Variants in MTM1 observed in about 807,000 individuals in gnomAD.
MTM1 encodes the protein myotubularin.
MTM1 carries 9 observed loss-of-function variants against 52.1 expected under a neutral mutation model. The ratio of observed to expected loss-of-function variants is 0.17; its 90% CI spans 0.10 to 0.30. The LOEUF (loss-of-function observed/expected upper bound fraction) is 0.30. MTM1 is among the 10% of genes least tolerant of loss of function. MTM1 has a pLI of 1.00. For synonymous variants in MTM1, 136 were observed against 163.8 expected, an observed-to-expected ratio of 0.83 and a Z score of 1.29; for missense variants, 277 against 470.7, an observed-to-expected ratio of 0.59 and a Z score of 3.81.
intron 6 of MTM1, among the ~76,000 whole-genome samples, chrX:150,633,747 T>C (rs1603179563): frequency 9.0e-6 from 1 of 111,579 alleles, no homozygotes; most frequent in African/African-American, 3.3e-5. Flanking sequence ...AAAGAAGCAG[T>C]TGGGCCAGAT....
intron 4 of MTM1, among the ~76,000 whole-genome samples, chrX:150,612,190 CAA>C (rs377418608): frequency 2.3e-4 from 19 of 83,566 alleles, no homozygotes; most frequent in Non-Finnish European, 1.7e-4. Context: ...GGTCCTGTCT[CAA>C]AAAAAAAAAA....
intron 6 of MTM1, among the ~76,000 whole-genome samples, chrX:150,632,880 G>A: frequency 9.0e-6 from 1 of 110,944 alleles, no homozygotes; most frequent in Middle Eastern, 4.6e-3. Flanking sequence ...GTTGAGTTGA[G>A]AGTGTCTGTG....
In MTM1 at chrX:150,592,697, T is replaced by A; in HGVS notation, c.63+20T>A. The A allele has an allele frequency of 9.9e-7, 1 of 1,014,943 alleles. No homozygotes were observed. 83.6% of individuals were successfully genotyped at this position (1,014,943 alleles called of 1,213,427 possible). A position where few individuals can be genotyped will look rare whatever the true frequency, so the allele number is the denominator to read the frequency against. ...AAGAGGGTAAGTTGAATTTTCAGAT[T>A]TATCTGTCTCTTTCCTTGCATTTAT... On this transcript the variant is annotated intron_variant, in intron 2 of 14. Transcript: ENST00000370396.
At chrX:150,575,902 C>G (rs1381836184) in intron 1 of MTM1, among the ~76,000 whole-genome samples, 2 of 111,172 alleles carry the variant, frequency 1.8e-5, no homozygotes, top group Non-Finnish European at 3.8e-5. Flanking sequence ...GTCTCAAACT[C>G]CTGTCCTCAA....
rs782222509 is a variant in MTM1, at chrX:150,574,175, A to G, written c.-11+5513A>G. ...TTGGAGAGAGAACTGATTTTTTCAA[A>G]GTTGAAGCTGAGTCTAACTCTGCTG... On this transcript the variant is annotated intron_variant, in intron 1 of 14. Coordinates refer to ENST00000370396, the MANE Select transcript of MTM1 (RefSeq NM_000252.3). Among the ~76,000 whole-genome samples, 4 of 111,614 alleles carry G rather than the reference A, an allele frequency of 3.6e-5. No individual in the cohort carries two copies. In the South Asian group the frequency reaches 1.5e-3, roughly 43 times the overall value.
Position 150,671,511 on chromosome X carries a change from C to A in MTM1, c.1728C>A (p.Leu576=), listed in dbSNP as rs375031903. 5 of 1,208,647 alleles carry A rather than the reference C, an allele frequency of 4.1e-6. No individual in the cohort carries two copies. In the African/African-American group the frequency reaches 8.8e-5, roughly 21 times the overall value. ...TAAAGCGGCTTGAGGAACTGCAGCT[C>A]GCCAACTCTGCCAAGCTTTCTGATC... ...EYIKRLEELQ[L]ANSAKLSDPP... The change falls in exon 15 of 15, where the codon CTC becomes CTA. Residue 576 remains leucine (L), a synonymous_variant. Transcript: ENST00000370396.
intron 14 of MTM1, among the ~76,000 whole-genome samples, chrX:150,665,046 T>A (rs1557414868): frequency 8.9e-6 from 1 of 112,136 alleles, no homozygotes; most frequent in African/African-American, 3.2e-5. Flanking sequence ...TCCCCCTTAG[T>A]CTCACAGATC....
chrX:150,636,890 CAT>C (rs2039761383), intron 6 of MTM1, among the ~76,000 whole-genome samples: 1 of 112,522 alleles, frequency 8.9e-6, no homozygotes, highest in Non-Finnish European at 1.9e-5. Context: ...GTGCACCAAA[CAT>C]TTTAGTGCTA....
intron 4 of MTM1, among the ~76,000 whole-genome samples, chrX:150,610,734 C>T (rs1395495879): frequency 9.0e-6 from 1 of 111,633 alleles, no homozygotes. Flanking sequence ...TTCTCCTCAG[C>T]GACCTGTTTT....
At chrX:150,606,789 ACTTCCTTCCCTTC>A (rs1339140551) in intron 4 of MTM1, among the ~76,000 whole-genome samples, 1 of 101,884 alleles carries the variant, frequency 9.8e-6, no homozygotes, top group African/African-American at 3.6e-5. Flanking sequence ...AATCTGCTCA[ACTTCCTTCCCTTC>A]CTTCCTTCCC....
intron 2 of MTM1, among the ~76,000 whole-genome samples, chrX:150,593,311 T>C (rs898526769): frequency 5.3e-5 from 6 of 112,620 alleles, no homozygotes; most frequent in African/African-American, 1.9e-4. Context: ...CTGAAGGACA[T>C]ACTGGAAGGC....
At chrX:150,630,106 T>A (rs1557413518) in intron 6 of MTM1, among the ~76,000 whole-genome samples, 1 of 112,091 alleles carries the variant, frequency 8.9e-6, no homozygotes, top group African/African-American at 3.2e-5. Context: ...TTCTTCTTAT[T>A]TTTTTAAACA....
intron 8 of MTM1, 96 bp downstream of exon 8, chrX:150,641,514 A>G: frequency 4.9e-6 from 5 of 1,017,247 alleles, no homozygotes; most frequent in Non-Finnish European, 5.5e-6. Context: ...TTGGAATTCT[A>G]TCCCAAAAAA....
At chrX:150,626,282 G>C (rs2266850) in intron 6 of MTM1, among the ~76,000 whole-genome samples, 38,548 of 111,000 alleles carry the variant, frequency 0.35, 6,100 homozygotes, top group East Asian at 0.69. Flanking sequence ...ATGATCCTAT[G>C]AATGGAGAAT....
intron 8 of MTM1, among the ~76,000 whole-genome samples, chrX:150,641,648 C>A (rs191539297): frequency 9.0e-6 from 1 of 111,310 alleles, no homozygotes; most frequent in African/African-American, 3.3e-5. Flanking sequence ...GAGCTCTCTA[C>A]GAGAGAGGGG....
chrX:150,668,087 T>C (rs1557415032), intron 14 of MTM1, among the ~76,000 whole-genome samples: 2 of 112,309 alleles, frequency 1.8e-5, no homozygotes, highest in East Asian at 2.8e-4. Flanking sequence ...GAGAAGGCCA[T>C]GTGAAAACAG....
intron 5 of MTM1, among the ~76,000 whole-genome samples, chrX:150,616,494 A>G (rs2039388224): frequency 8.9e-6 from 1 of 111,996 alleles, no homozygotes; most frequent in Non-Finnish European, 1.9e-5. Context: ...AAGTAGTTAC[A>G]ACTCCTATAA....
chrX:150,568,414 CA>C (rs1233188052), upstream of MTM1, among the ~76,000 whole-genome samples: 15 of 113,562 alleles, frequency 1.3e-4, no homozygotes, highest in African/African-American at 4.8e-4. Flanking sequence ...TCGGACCCTT[CA>C]AAATGGGCTT....
At chrX:150,640,250 G>A (rs1366909939) in intron 7 of MTM1, among the ~76,000 whole-genome samples, 1 of 111,902 alleles carries the variant, frequency 8.9e-6, no homozygotes. Flanking sequence ...TTAGTTCAAA[G>A]CTTCTAGCTT....
Sources: gnomAD v4.1 joint callset for allele counts (sites outside exome capture counted in the v4.1 genomes callset) on GRCh38, gnomAD v4.1.1 for gene constraint, MANE v1.5 for transcripts, NCBI Gene and HGNC (gene_info 2026-07-23, HGNC 2026-07-21) for gene names.